TBCEL: variants seen among roughly 807,000 people sequenced by gnomAD.
TBCEL encodes tubulin-specific chaperone cofactor E-like protein.
A neutral mutation model predicts 44.2 loss-of-function variants in TBCEL; 15 were observed. That is an observed-to-expected ratio of 0.34 (90% CI 0.23 to 0.52). TBCEL has a LOEUF of 0.52. TBCEL is among the 20% of genes least tolerant of loss of function. The probability of loss-of-function intolerance (pLI) is 0.95; values close to 1 mark genes in which losing one functional copy is unlikely to be tolerated. For synonymous variants in TBCEL, 171 were observed against 185.4 expected, an observed-to-expected ratio of 0.92 and a Z score of 0.63; for missense variants, 319 against 506.3, an observed-to-expected ratio of 0.63 and a Z score of 3.55.
Position 121,056,122 on chromosome 11 carries a change from T to C in TBCEL, c.712+814T>C, listed in dbSNP as rs192809571. On this transcript the variant is annotated intron_variant, in intron 6 of 8. Coordinates refer to ENST00000683345, the MANE Select transcript of TBCEL (RefSeq NM_001363644.2). ...CAGAATAGTTTCCCTGCCCTAAAAATCCTCTGTGCGCCACCTATTTACCCC... is the reference window on the plus strand; with the variant it reads ...CAGAATAGTTTCCCTGCCCTAAAAACCCTCTGTGCGCCACCTATTTACCCC... Among the ~76,000 whole-genome samples, 713 of 151,890 alleles carry C rather than the reference T, an allele frequency of 4.7e-3. 5 individuals are homozygous for C. The highest frequency in any genetic ancestry group is 0.017 in the Middle Eastern group (5 of 294).
At chr11:121,077,415 G>A (rs996601198) in intron 8 of TBCEL, among the ~76,000 whole-genome samples, 1 of 151,952 alleles carries the variant, frequency 6.6e-6, no homozygotes, top group Admixed American at 6.6e-5. Context: ...GAATTTATGG[G>A]CATAAAGTTT....
intron 8 of TBCEL, among the ~76,000 whole-genome samples, chr11:121,066,932 T>A (rs1257067379): frequency 6.6e-6 from 1 of 152,212 alleles, no homozygotes; most frequent in Non-Finnish European, 1.5e-5. Flanking sequence ...ACATTCTTTT[T>A]CATTTAATGA....
rs78983972 is a variant in TBCEL at position 121,055,514 on chromosome 11, T to C, written c.712+206T>C. 5.2e-3 allele frequency among the ~76,000 whole-genome samples: 792 copies of C among 152,032 alleles called. 5 individuals carry two copies. The highest frequency in any genetic ancestry group is 0.018 in the African/African-American group (728 of 41,510). ...AAATATTAAGTGGCATAGCATTACATTGACAATTTATATTTTATACATTAA... is the reference window on the plus strand; with the variant it reads ...AAATATTAAGTGGCATAGCATTACACTGACAATTTATATTTTATACATTAA... On this transcript the variant is annotated intron_variant, in intron 6 of 8. Transcript: ENST00000683345.
At chr11:121,048,937 A>G (rs1008136072) in intron 4 of TBCEL, among the ~76,000 whole-genome samples, 1 of 151,874 alleles carries the variant, frequency 6.6e-6, no homozygotes, top group Non-Finnish European at 1.5e-5. Flanking sequence ...TCCTCTGTGA[A>G]ATTTTCCCTG....
chr11:121,058,685 C>T (rs1009443902), intron 7 of TBCEL, among the ~76,000 whole-genome samples: 1 of 151,810 alleles, frequency 6.6e-6, no homozygotes, highest in African/African-American at 2.4e-5. Context: ...GCTGCTGACA[C>T]CACTGAAAAA....
intron 1 of TBCEL, 58 bp downstream of exon 1, chr11:121,024,349 T>C (rs1310947632): frequency 6.6e-6 from 1 of 152,468 alleles, no homozygotes; most frequent in African/African-American, 2.4e-5. Context: ...GGCGTTCCCC[T>C]CTGGAGCCGA....
intron 1 of TBCEL, among the ~76,000 whole-genome samples, chr11:121,027,223 G>C (rs1945062005): frequency 6.6e-6 from 1 of 152,128 alleles, no homozygotes; most frequent in Non-Finnish European, 1.5e-5. Flanking sequence ...TGGGCTTAAA[G>C]GGTGAAGGAA....
At chr11:121,064,951 G>T (rs573691114) in intron 8 of TBCEL, among the ~76,000 whole-genome samples, 1 of 151,806 alleles carries the variant, frequency 6.6e-6, no homozygotes, top group South Asian at 2.1e-4. Context: ...TCAGCCTCCC[G>T]AGTAGCTGGG....
chr11:121,035,445 G>A (rs535244665), intron 1 of TBCEL: 202 of 148,306 alleles, frequency 1.4e-3, no homozygotes, highest in African/African-American at 4.6e-3. Context: ...GGAGGAGCTA[G>A]TGAAAAAAAA....
At chr11:121,030,330 G>A (rs1945121430) in intron 1 of TBCEL, among the ~76,000 whole-genome samples, 1 of 152,200 alleles carries the variant, frequency 6.6e-6, no homozygotes, top group South Asian at 2.1e-4. Context: ...CCATGATGAA[G>A]AGATTGGATT....
rs767042196 is a variant in TBCEL, at chr11:121,053,659, G to C, written c.382G>C (p.Val128Leu). Residue 128 changes from valine to leucine, a missense_variant, in exon 5 of 9, where the codon GTT becomes CTT. Val to Leu is a conservative substitution (Grantham distance 32). Coordinates refer to ENST00000683345, the MANE Select transcript of TBCEL (RefSeq NM_001363644.2). ...AACATGTGCTGGGTCCTTCTCTGGG[G>C]TTCGCAAACTTGTCCTCAACAACAG... Reference protein sequence around the residue: ...ERTCAGSFSGVRKLVLNNSKA... With the variant: ...ERTCAGSFSGLRKLVLNNSKA... 3 of 1,612,204 alleles carry C rather than the reference G, an allele frequency of 1.9e-6. No individual in the cohort carries two copies. Among genetic ancestry groups the C allele is most frequent in the South Asian group, 1.1e-5 (1 of 91,034 alleles).
At chr11:121,063,286 T>C (rs1489799334) in intron 8 of TBCEL, among the ~76,000 whole-genome samples, 1 of 152,188 alleles carries the variant, frequency 6.6e-6, no homozygotes, top group Non-Finnish European at 1.5e-5. Context: ...AAAAAAATAG[T>C]AAGTGTTACT....
At chr11:121,073,192 A>C (rs1195173205) in intron 8 of TBCEL, among the ~76,000 whole-genome samples, 1 of 151,934 alleles carries the variant, frequency 6.6e-6, no homozygotes. Flanking sequence ...ATCCTGTTGT[A>C]ATTTGGATTT....
chr11:121,065,139 T>C (rs1029151137), intron 8 of TBCEL, among the ~76,000 whole-genome samples: 1 of 152,216 alleles, frequency 6.6e-6, no homozygotes, highest in Admixed American at 6.5e-5. Context: ...ACTTATTTTC[T>C]GTACGTTTTT....
At chr11:121,048,173 T>G (rs1945467137) in intron 4 of TBCEL, among the ~76,000 whole-genome samples, 1 of 151,886 alleles carries the variant, frequency 6.6e-6, no homozygotes, top group Non-Finnish European at 1.5e-5. Flanking sequence ...CTTATGCTCA[T>G]TCTCTACTTC....
At chr11:121,039,367 A>G (rs572648033) in intron 2 of TBCEL, among the ~76,000 whole-genome samples, 1 of 152,182 alleles carries the variant, frequency 6.6e-6, no homozygotes, top group African/African-American at 2.4e-5. Flanking sequence ...TGAATTCACT[A>G]TTTCTTGTCT....
chr11:121,071,303 C>T (rs1945926871), intron 8 of TBCEL, among the ~76,000 whole-genome samples: 1 of 152,082 alleles, frequency 6.6e-6, no homozygotes. Flanking sequence ...AAAAAAAATG[C>T]AACTTTTAGA....
At position 121,053,955 on chromosome 11, in the gene TBCEL, A is replaced by G. The variant is rs188595058; in HGVS notation, c.455+223A>G. Reference sequence around the variant, plus strand: ...GTAGCACCAAGACATGGGATATGTCATCTCTGAGCTAGAAAATACCCCTGA... The same window carrying G: ...GTAGCACCAAGACATGGGATATGTCGTCTCTGAGCTAGAAAATACCCCTGA... On this transcript the variant is annotated intron_variant, in intron 5 of 8. Coordinates refer to ENST00000683345, the MANE Select transcript of TBCEL (RefSeq NM_001363644.2). Among the ~76,000 whole-genome samples, 7 of 151,956 alleles carry G rather than the reference A, an allele frequency of 4.6e-5. No individual in the cohort carries two copies. In the East Asian group the frequency reaches 1.4e-3, roughly 30 times the overall value.
chr11:121,073,421 A>G (rs995519447), intron 8 of TBCEL, among the ~76,000 whole-genome samples: 2 of 151,388 alleles, frequency 1.3e-5, no homozygotes, highest in South Asian at 2.1e-4. Context: ...AAGTGAAATC[A>G]TTTTTTCTGT....
Sources: allele counts gnomAD v4.1 joint callset (sites outside exome capture counted in the v4.1 genomes callset), GRCh38; gene constraint gnomAD v4.1.1; transcripts MANE v1.5; gene names NCBI Gene and HGNC (gene_info 2026-07-23, HGNC 2026-07-21).